Variants in ECPAS observed in about 807,000 individuals in gnomAD.
ECPAS encodes the protein proteasome adapter and scaffold protein ECM29.
Under a neutral mutation model 255.1 loss-of-function variants are expected in ECPAS, and 70 were observed. That is an observed-to-expected ratio of 0.27 (90% CI 0.23 to 0.33). The LOEUF is 0.33. ECPAS is among the 10% of genes least tolerant of loss of function. ECPAS has a pLI of 1.00. For missense variants in ECPAS, 1,817 were observed against 2,206.4 expected (o/e 0.82, Z 3.54); for synonymous variants, 784 against 775.0 (o/e 1.01, Z -0.19).
At position 111,448,854 on chromosome 9, in the gene ECPAS, C is replaced by T. The variant is rs1589214868; in HGVS notation, c.153+2571G>A. 2.6e-5 allele frequency among the ~76,000 whole-genome samples: 4 copies of T among 152,264 alleles called. No homozygotes were observed. In the East Asian group the frequency reaches 7.7e-4, roughly 29 times the overall value. Reference sequence around the variant, plus strand: ...TCAAAGATAAAATGACCAAACTGCACATCAACATAACTATTACATATAACT... The same window carrying T: ...TCAAAGATAAAATGACCAAACTGCATATCAACATAACTATTACATATAACT... On this transcript the variant is annotated intron_variant, in intron 3 of 49. Coordinates refer to ENST00000684092, the MANE Select transcript of ECPAS (RefSeq NM_001364929.1).
At chr9:111,404,864 A>C (rs1348516239) in intron 24 of ECPAS, among the ~76,000 whole-genome samples, 1 of 149,062 alleles carries the variant, frequency 6.7e-6, no homozygotes, top group East Asian at 2.0e-4. Context: ...CAAAGAAGCA[A>C]AAGATCTCTG....
chr9:111,462,531 A>G (rs922424250), intron 2 of ECPAS, among the ~76,000 whole-genome samples: 2 of 152,026 alleles, frequency 1.3e-5, no homozygotes, highest in Non-Finnish European at 2.9e-5. Context: ...TGTTGCATAC[A>G]AGATCAGAGT....
At chr9:111,462,457 T>C (rs2098274287) in intron 2 of ECPAS, among the ~76,000 whole-genome samples, 1 of 152,070 alleles carries the variant, frequency 6.6e-6, no homozygotes, top group African/African-American at 2.4e-5. Context: ...TACTAAAAAC[T>C]GTCAGTATTC....
chr9:111,390,989 C>G (rs1458072642), intron 29 of ECPAS, among the ~76,000 whole-genome samples: 1 of 152,136 alleles, frequency 6.6e-6, no homozygotes, highest in African/African-American at 2.4e-5. Flanking sequence ...GCCCTGAGAG[C>G]CCAACATCAT....
intron 33 of ECPAS, among the ~76,000 whole-genome samples, chr9:111,384,980 A>T (rs907122438): frequency 1.3e-5 from 2 of 152,242 alleles, no homozygotes; most frequent in Non-Finnish European, 2.9e-5. Context: ...AGATTGCCCA[A>T]GAAAAATTCA....
intron 2 of ECPAS, among the ~76,000 whole-genome samples, chr9:111,464,081 G>C (rs908772505): frequency 6.6e-6 from 1 of 152,076 alleles, no homozygotes; most frequent in African/African-American, 2.4e-5. Flanking sequence ...TTCCTTATTT[G>C]CAAGAAATAA....
At chr9:111,412,904 G>A (rs941101671) in intron 20 of ECPAS, among the ~76,000 whole-genome samples, 3 of 151,632 alleles carry the variant, frequency 2.0e-5, no homozygotes, top group Admixed American at 2.0e-4. Context: ...AAAAAGAACC[G>A]CAATATGTAG....
At chr9:111,428,778 G>A (rs1168429714) in intron 9 of ECPAS, among the ~76,000 whole-genome samples, 2 of 150,752 alleles carry the variant, frequency 1.3e-5, no homozygotes, top group Non-Finnish European at 3.0e-5. Context: ...GTTGCAATTT[G>A]GAGTTGAAAC....
Position 111,408,674 on chromosome 9 carries a change from T to C in ECPAS, c.2551-2A>G. On this transcript the variant is annotated splice_acceptor_variant, in intron 23 of 49. Coordinates refer to ENST00000684092, the MANE Select transcript of ECPAS (RefSeq NM_001364929.1). LOFTEE classifies it high-confidence loss of function. ...TGTTTGGATTGCTCGTTCTTTCATC[T>C]GGAAGAACACCAAATTTTTTTCTTT... 6.5e-7 allele frequency: 1 copy of C among 1,548,918 alleles called. No homozygotes were observed. Among genetic ancestry groups the C allele is most frequent in the Non-Finnish European group, 8.7e-7 (1 of 1,148,592 alleles).
At chr9:111,399,929 G>A (rs1354738212) in intron 24 of ECPAS, among the ~76,000 whole-genome samples, 2 of 152,280 alleles carry the variant, frequency 1.3e-5, no homozygotes, top group Non-Finnish European at 2.9e-5. Context: ...GGCCTTGGGT[G>A]AGCCCTGGTA....
At chr9:111,439,305 T>C (rs539190006) in intron 6 of ECPAS, among the ~76,000 whole-genome samples, 1 of 152,286 alleles carries the variant, frequency 6.6e-6, no homozygotes, top group East Asian at 1.9e-4. Flanking sequence ...GTATTTGTTC[T>C]GTCACCAGGT....
At chr9:111,461,175 G>A (rs2098272642) in intron 2 of ECPAS, among the ~76,000 whole-genome samples, 1 of 151,932 alleles carries the variant, frequency 6.6e-6, no homozygotes, top group East Asian at 1.9e-4. Context: ...GCTAACTACA[G>A]TAGGCTGGGC....
At chr9:111,411,335 C>T (rs148821991) in intron 21 of ECPAS, among the ~76,000 whole-genome samples, 193 bp from the exon 22 acceptor site, 11 of 152,292 alleles carry the variant, frequency 7.2e-5, no homozygotes, top group African/African-American at 1.7e-4. Flanking sequence ...GAGTTTCTAA[C>T]GGAATTTTGA....
intron 2 of ECPAS, among the ~76,000 whole-genome samples, chr9:111,452,573 T>C (rs1019010189): frequency 4.3e-4 from 65 of 152,278 alleles, no homozygotes; most frequent in African/African-American, 1.3e-3. Context: ...TTGCCACTAA[T>C]TGATAATTAT....
At chr9:111,375,544 T>G (rs1159854765) in intron 37 of ECPAS, among the ~76,000 whole-genome samples, 1 of 152,194 alleles carries the variant, frequency 6.6e-6, no homozygotes, top group Non-Finnish European at 1.5e-5. Flanking sequence ...TAAATATTGA[T>G]CTTCTACAGT....
intron 2 of ECPAS, among the ~76,000 whole-genome samples, chr9:111,455,162 TAC>T (rs1382345301): frequency 6.6e-6 from 1 of 152,138 alleles, no homozygotes; most frequent in African/African-American, 2.4e-5. Context: ...GAGAAGAGTT[TAC>T]ACAGACCCAG....
At chr9:111,483,535 CG>C in intron 1 of ECPAS, 1 of 976,990 alleles carries the variant, frequency 1.0e-6, no homozygotes, top group Non-Finnish European at 1.2e-6. Context: ...AGGCGGCGGC[CG>C]CAGCCATGTT....
chr9:111,368,233 T>C (rs983788329), intron 46 of ECPAS, among the ~76,000 whole-genome samples: 13 of 152,130 alleles, frequency 8.5e-5, no homozygotes, highest in Admixed American at 2.0e-4. Flanking sequence ...CATCCAATAA[T>C]AGAGGTTTAC....
At chr9:111,410,671 C>T (rs1398107360) in intron 22 of ECPAS, among the ~76,000 whole-genome samples, 3 of 151,978 alleles carry the variant, frequency 2.0e-5, no homozygotes, top group Non-Finnish European at 4.4e-5. Context: ...TACACGCCAC[C>T]ATACCAAGCT....
Sources: gnomAD v4.1 joint callset for allele counts (sites outside exome capture counted in the v4.1 genomes callset) on GRCh38, gnomAD v4.1.1 for gene constraint, MANE v1.5 for transcripts, NCBI Gene and HGNC (gene_info 2026-07-23, HGNC 2026-07-21) for gene names.